Variants in CUX1 observed in about 807,000 individuals in gnomAD.
CUX1 encodes the protein cut like homeobox 1.
In CUX1, 31 loss-of-function variants were observed where a neutral mutation model predicts 158.8. That is an observed-to-expected ratio of 0.20 (90% CI 0.15 to 0.26). The LOEUF (loss-of-function observed/expected upper bound fraction) is 0.26. Among genes scored for constraint, CUX1 ranks in the 10% least tolerant of loss-of-function variants. The probability of loss-of-function intolerance (pLI) is 1.00; values close to 1 mark genes in which losing one functional copy is unlikely to be tolerated. For missense variants in CUX1, 1,589 were observed against 2,014.6 expected (o/e 0.79, Z 4.04); for synonymous variants, 879 against 862.1 (o/e 1.02, Z -0.34).
At chr7:101,867,672 C>T (rs987368078) in intron 1 of CUX1, among the ~76,000 whole-genome samples, 6 of 152,184 alleles carry the variant, frequency 3.9e-5, no homozygotes, top group African/African-American at 7.2e-5. Flanking sequence ...AGGTACCTCC[C>T]GGTAAGCAAC....
At chr7:101,860,483 G>T (rs903112374) in intron 1 of CUX1, among the ~76,000 whole-genome samples, 3 of 152,210 alleles carry the variant, frequency 2.0e-5, no homozygotes, top group Non-Finnish European at 4.4e-5. Context: ...CTGCTGTGTG[G>T]CATGGCAGAA....
At chr7:102,269,977 C>A (rs1791097444) in intron 14 of CUX1, among the ~76,000 whole-genome samples, 1 of 152,198 alleles carries the variant, frequency 6.6e-6, no homozygotes, top group African/African-American at 2.4e-5. Context: ...AGCCAGCTGC[C>A]CACCCCTTCC....
chr7:102,114,216 C>CA (rs1831220305), intron 7 of CUX1, among the ~76,000 whole-genome samples: 1 of 152,208 alleles, frequency 6.6e-6, no homozygotes, highest in African/African-American at 2.4e-5. Flanking sequence ...TATACACACA[C>CA]ATATATACAT....
intron 3 of CUX1, among the ~76,000 whole-genome samples, chr7:102,050,046 C>CG (rs1444696596): frequency 1.3e-5 from 2 of 152,152 alleles, no homozygotes; most frequent in Non-Finnish European, 2.9e-5. Flanking sequence ...AGCAGACTCC[C>CG]GGGGTGTAGA....
intron 1 of CUX1, among the ~76,000 whole-genome samples, chr7:101,890,429 C>A (rs762493277): frequency 5.3e-5 from 8 of 152,008 alleles, no homozygotes; most frequent in Non-Finnish European, 1.0e-4. Flanking sequence ...TCCCCCCCTC[C>A]ACCCCCGCCT....
At chr7:101,992,797 C>A (rs1419155524) in intron 2 of CUX1, among the ~76,000 whole-genome samples, 1 of 151,878 alleles carries the variant, frequency 6.6e-6, no homozygotes, top group Non-Finnish European at 1.5e-5. Flanking sequence ...CCCCTCCAAC[C>A]CCCGCCCCGC....
intron 3 of CUX1, among the ~76,000 whole-genome samples, chr7:102,060,014 G>A (rs571599486): frequency 1.3e-5 from 2 of 152,038 alleles, no homozygotes; most frequent in South Asian, 2.1e-4. Context: ...AGTGGCTCAC[G>A]CCTGTAATCC....
At chr7:101,980,318 C>A (rs1454243621) in intron 2 of CUX1, among the ~76,000 whole-genome samples, 1 of 152,016 alleles carries the variant, frequency 6.6e-6, no homozygotes, top group Non-Finnish European at 1.5e-5. Context: ...CCAGCCTGGG[C>A]AACATAGCAA....
intron 20 of CUX1, among the ~76,000 whole-genome samples, chr7:102,221,779 C>T (rs1400008940): frequency 1.4e-5 from 2 of 147,920 alleles, no homozygotes; most frequent in East Asian, 4.0e-4. Context: ...ACATAGATGA[C>T]TTTTTAAATG....
intron 18 of CUX1, among the ~76,000 whole-genome samples, chr7:102,203,452 T>G (rs1334028757): frequency 2.6e-5 from 4 of 152,060 alleles, no homozygotes; most frequent in Admixed American, 2.0e-4. Context: ...TGGTGTCCGA[T>G]GGCGAACTTT....
At chr7:102,051,693 T>C (rs1301411357) in intron 3 of CUX1, among the ~76,000 whole-genome samples, 1 of 149,186 alleles carries the variant, frequency 6.7e-6, no homozygotes, top group East Asian at 1.9e-4. Context: ...TGTCTATAGG[T>C]GCTTGTAAAT....
intron 7 of CUX1, 69 bp from the exon 8 acceptor site, chr7:102,115,138 G>T: frequency 7.5e-7 from 1 of 1,338,660 alleles, no homozygotes; most frequent in East Asian, 2.4e-5. Context: ...TTTGAAATGG[G>T]AATAGATTAC....
At chr7:102,175,294 A>G (rs1792189614) in intron 10 of CUX1, among the ~76,000 whole-genome samples, 2 of 152,198 alleles carry the variant, frequency 1.3e-5, no homozygotes, top group Admixed American at 6.5e-5. Context: ...GCGCCTTGTA[A>G]AACCCACATT....
At chr7:102,117,806 G>A (rs1426319787) in intron 8 of CUX1, among the ~76,000 whole-genome samples, 3 of 152,220 alleles carry the variant, frequency 2.0e-5, no homozygotes, top group African/African-American at 7.2e-5. Flanking sequence ...GCCTGTCTTG[G>A]GGAGGACCTG....
At chr7:101,817,598 G>A, upstream of CUX1, 3 of 1,534,072 alleles carry the variant, frequency 2.0e-6, no homozygotes, top group Non-Finnish European at 2.6e-6. This position sits in a 1 kb window ranked among gnomAD's most constrained non-coding sequence, Gnocchi z 4.1. Context: ...TGCCAGCTCG[G>A]CGCCCGCGGC....
intron 2 of CUX1, among the ~76,000 whole-genome samples, chr7:101,965,522 C>T (rs946064850): frequency 1.4e-4 from 21 of 151,968 alleles, no homozygotes; most frequent in African/African-American, 4.1e-4. Flanking sequence ...CGGTACTGCT[C>T]CAGAAAAATG....
intron 1 of CUX1, among the ~76,000 whole-genome samples, chr7:101,900,990 G>A (rs1802081727): frequency 6.6e-6 from 1 of 152,188 alleles, no homozygotes; most frequent in African/African-American, 2.4e-5. Flanking sequence ...AGAAGAGTAT[G>A]TCTTGTTCTG....
At chr7:102,097,610 C>T (rs1829336507) in intron 5 of CUX1, 109 bp downstream of exon 5, 8 of 1,165,986 alleles carry the variant, frequency 6.9e-6, no homozygotes, top group Non-Finnish European at 9.5e-6. Context: ...TTGTAATATA[C>T]ACGTCATAAA....
chr7:101,949,493 G>C (rs576488989), intron 2 of CUX1, among the ~76,000 whole-genome samples: 2 of 149,134 alleles, frequency 1.3e-5, no homozygotes, highest in South Asian at 4.3e-4. Context: ...ATTTACTGTG[G>C]CTAAGGCAGA....
Sources: allele counts gnomAD v4.1 joint callset (sites outside exome capture counted in the v4.1 genomes callset), GRCh38; gene constraint gnomAD v4.1.1; non-coding constraint Gnocchi (gnomAD v3.1); transcripts MANE v1.5; gene names NCBI Gene and HGNC (gene_info 2026-07-23, HGNC 2026-07-21).